The following NCKAP5 variants were observed in gnomAD, a reference collection of about 807,000 sequenced individuals.
NCKAP5 encodes NCK associated protein 5.
Under a neutral mutation model 167.0 loss-of-function variants are expected in NCKAP5, and 92 were observed. That is an observed-to-expected ratio of 0.55 (90% CI 0.47 to 0.66). The LOEUF (loss-of-function observed/expected upper bound fraction) is 0.66, where lower values mean the gene tolerates loss of function less well. Among genes scored for constraint, NCKAP5 ranks in the 30% least tolerant of loss-of-function variants. NCKAP5 has a pLI of 0.00. For synonymous variants in NCKAP5, 891 were observed against 877.4 expected, an observed-to-expected ratio of 1.02 and a Z score of -0.27; for missense variants, 2,378 against 2,315.0, an observed-to-expected ratio of 1.03 and a Z score of -0.56.
chr2:132,882,561 G>C (rs1691847124), intron 8 of NCKAP5, among the ~76,000 whole-genome samples: 1 of 152,050 alleles, frequency 6.6e-6, no homozygotes, highest in African/African-American at 2.4e-5. Context: ...TTTTTCTTTA[G>C]AACAAAAGTA....
At chr2:133,632,300 G>T in the NCKAP5 span, among the ~76,000 whole-genome samples, 1 of 152,212 alleles carries the variant, frequency 6.6e-6, no homozygotes, top group Admixed American at 6.5e-5. Flanking sequence ...CATTAAAAAT[G>T]AAAGTTAAAG....
chr2:133,057,082 G>A (rs1435598262), intron 6 of NCKAP5, among the ~76,000 whole-genome samples: 1 of 152,026 alleles, frequency 6.6e-6, no homozygotes, highest in Non-Finnish European at 1.5e-5. Flanking sequence ...TGTGACTATT[G>A]TCATTATTTT....
chr2:133,589,037 G>A, the NCKAP5 span, among the ~76,000 whole-genome samples: 2 of 152,214 alleles, frequency 1.3e-5, no homozygotes, highest in African/African-American at 4.8e-5. Context: ...TGGACTCCAA[G>A]TAAGATGTGG....
At chr2:132,779,088 A>G (rs1313921401) in intron 15 of NCKAP5, among the ~76,000 whole-genome samples, 2 of 152,176 alleles carry the variant, frequency 1.3e-5, no homozygotes, top group African/African-American at 4.8e-5. Context: ...CATCATATGG[A>G]TTATGTATAT....
At chr2:133,647,452 C>T in the NCKAP5 span, among the ~76,000 whole-genome samples, 10 of 47,374 alleles carry the variant, frequency 2.1e-4, no homozygotes, top group African/African-American at 4.4e-4. Context: ...AAAGAAAGAA[C>T]GAAAGAAAGA....
chr2:133,516,937 C>T (rs1284218580), intron 3 of NCKAP5, among the ~76,000 whole-genome samples: 3 of 152,242 alleles, frequency 2.0e-5, no homozygotes, highest in Admixed American at 6.5e-5. Context: ...ATTTTCACAC[C>T]GGATAGCAAA....
chr2:132,799,733 T>TA (rs1172777502), intron 11 of NCKAP5, among the ~76,000 whole-genome samples: 3 of 152,108 alleles, frequency 2.0e-5, no homozygotes, highest in African/African-American at 7.2e-5. Context: ...TGTTTAGTTT[T>TA]AAAAAAATAA....
chr2:132,836,767 C>G (rs1402062558), intron 11 of NCKAP5, among the ~76,000 whole-genome samples: 1 of 152,160 alleles, frequency 6.6e-6, no homozygotes, highest in East Asian at 1.9e-4. Context: ...TTATTTTCCA[C>G]CCCCTAGAGC....
At chr2:133,297,970 T>C (rs548856747) in intron 4 of NCKAP5, among the ~76,000 whole-genome samples, 1 of 152,328 alleles carries the variant, frequency 6.6e-6, no homozygotes, top group South Asian at 2.1e-4. Context: ...GAACATGACA[T>C]GCTATTCCCA....
At chr2:133,424,900 C>G (rs1049342315) in intron 3 of NCKAP5, among the ~76,000 whole-genome samples, 1 of 152,186 alleles carries the variant, frequency 6.6e-6, no homozygotes, top group Non-Finnish European at 1.5e-5. Context: ...AAATAAAAAA[C>G]AGTCTTGCAA....
the NCKAP5 span, among the ~76,000 whole-genome samples, chr2:133,635,150 A>G: frequency 6.6e-5 from 10 of 152,156 alleles, no homozygotes; most frequent in Admixed American, 6.5e-4. Context: ...CTGGGATTAC[A>G]GGTGTGAGCC....
the NCKAP5 span, among the ~76,000 whole-genome samples, chr2:133,664,774 A>C: frequency 6.6e-6 from 1 of 152,200 alleles, no homozygotes; most frequent in Non-Finnish European, 1.5e-5. Context: ...CTGAGATTAC[A>C]TATGTGAGCC....
At chr2:133,641,513 C>T in the NCKAP5 span, among the ~76,000 whole-genome samples, 1 of 152,224 alleles carries the variant, frequency 6.6e-6, no homozygotes, top group African/African-American at 2.4e-5. Context: ...ATTTCTGGAG[C>T]AGCCCAGAGT....
intron 11 of NCKAP5, among the ~76,000 whole-genome samples, chr2:132,819,665 A>ATT (rs752370650): frequency 6.9e-6 from 1 of 145,836 alleles, no homozygotes. Context: ...TTTTCATTAG[A>ATT]TTTTTTTTTT....
intron 8 of NCKAP5, among the ~76,000 whole-genome samples, chr2:132,909,405 C>T (rs996624577): frequency 6.6e-6 from 1 of 152,132 alleles, no homozygotes; most frequent in Non-Finnish European, 1.5e-5. Flanking sequence ...ATCCAATGAT[C>T]ATGCCTTTCT....
chr2:133,385,211 G>A (rs1307300865), intron 3 of NCKAP5, among the ~76,000 whole-genome samples: 4 of 152,148 alleles, frequency 2.6e-5, no homozygotes, highest in African/African-American at 9.7e-5. Flanking sequence ...ATTATTTTGA[G>A]ATACATCCCA....
At chr2:132,950,043 G>T (rs1347101529) in intron 8 of NCKAP5, among the ~76,000 whole-genome samples, 1 of 152,130 alleles carries the variant, frequency 6.6e-6, no homozygotes, top group Non-Finnish European at 1.5e-5. Flanking sequence ...GCAGTGAGCC[G>T]AGATCATGCC....
intron 3 of NCKAP5, among the ~76,000 whole-genome samples, chr2:133,334,146 C>T (rs188140980): frequency 1.5e-3 from 224 of 152,300 alleles, no homozygotes; most frequent in Non-Finnish European, 2.4e-3. Context: ...GATTCAAAGC[C>T]TGGCTCTGTG....
At chr2:132,858,551 A>T (rs771064544) in intron 11 of NCKAP5, among the ~76,000 whole-genome samples, 9 of 152,210 alleles carry the variant, frequency 5.9e-5, no homozygotes, top group African/African-American at 2.2e-4. Flanking sequence ...ACACCATCTG[A>T]AAAGCCAGTC....
Sources: allele counts gnomAD v4.1 joint callset (sites outside exome capture counted in the v4.1 genomes callset), GRCh38; gene constraint gnomAD v4.1.1; transcripts MANE v1.5; gene names NCBI Gene and HGNC (gene_info 2026-07-23, HGNC 2026-07-21).